Variants in SRSF11 observed in about 807,000 individuals in gnomAD.
SRSF11 encodes serine/arginine-rich splicing factor 11.
Under a neutral mutation model 56.0 loss-of-function variants are expected in SRSF11, and 9 were observed. The ratio of observed to expected loss-of-function variants is 0.16; its 90% CI spans 0.10 to 0.28. The LOEUF (loss-of-function observed/expected upper bound fraction) is 0.28. Ranked by LOEUF, SRSF11 falls within the 10% of genes least tolerant of loss-of-function variation. The pLI is 1.00. For synonymous variants in SRSF11, 222 were observed against 215.3 expected (o/e 1.03, Z -0.27); for missense variants, 421 against 600.7 (o/e 0.70, Z 3.13).
chr1:70,250,058 T>G lies in SRSF11; in HGVS notation c.1118+11T>G. 6.3e-7 allele frequency: 1 copy of G among 1,592,762 alleles called. No individual in the cohort carries two copies. Among genetic ancestry groups the G allele is most frequent in the South Asian group, 1.1e-5 (1 of 89,544 alleles). ...ACCATCCCCTAGGAGGTAAGAATGT[T>G]AATCATTTAAATGTATTTTTTATAT... On this transcript the variant is annotated intron_variant, in intron 10 of 11. Coordinates refer to ENST00000370949, the MANE Select transcript of SRSF11 (RefSeq NM_001350605.2).
chr1:70,231,778 A>G (rs1672891722), intron 2 of SRSF11: 8 of 1,296,490 alleles, frequency 6.2e-6, no homozygotes, highest in Admixed American at 4.9e-5. Context: ...AAAGAAAATC[A>G]TAGTAACTGT....
At chr1:70,229,665 T>C in intron 2 of SRSF11, 2 of 985,136 alleles carry the variant, frequency 2.0e-6, no homozygotes, top group East Asian at 1.1e-4. Context: ...AGTGGAATCT[T>C]AATATTGTTC....
chr1:70,240,885 G>A (rs1380804380), intron 7 of SRSF11, among the ~76,000 whole-genome samples: 1 of 148,902 alleles, frequency 6.7e-6, no homozygotes, highest in East Asian at 2.0e-4. Flanking sequence ...AAGCAATTCT[G>A]CCTCAGCCTC....
chr1:70,220,335 C>A (rs922886697), upstream of SRSF11, among the ~76,000 whole-genome samples: 1 of 151,892 alleles, frequency 6.6e-6, no homozygotes, highest in Non-Finnish European at 1.5e-5. Flanking sequence ...GTTTGGGGCA[C>A]TACAAGTCAC....
intron 7 of SRSF11, among the ~76,000 whole-genome samples, chr1:70,244,139 G>C (rs1014972796): frequency 1.3e-5 from 2 of 152,176 alleles, no homozygotes; most frequent in Non-Finnish European, 2.9e-5. Context: ...ATTTGTTTCA[G>C]AGAAAAATTC....
chr1:70,212,923 G>A (rs1184462068), intron 1 of SRSF11, among the ~76,000 whole-genome samples: 1 of 151,828 alleles, frequency 6.6e-6, no homozygotes, highest in Non-Finnish European at 1.5e-5. Context: ...GTGGCGGCGT[G>A]AGCCTATAGT....
At chr1:70,206,645 C>T (rs1475704649) in intron 1 of SRSF11, among the ~76,000 whole-genome samples, 1 of 152,046 alleles carries the variant, frequency 6.6e-6, no homozygotes, top group Non-Finnish European at 1.5e-5. Context: ...CAGGGAATAC[C>T]ATTCTAACCC....
rs1410805031 is a variant in SRSF11, at chr1:70,221,429, C to G, written c.-208C>G. 6.3e-5 allele frequency: 36 copies of G among 574,910 alleles called. No homozygotes were observed. Among genetic ancestry groups the G allele is most frequent in the Admixed American group, 1.4e-4 (4 of 29,272 alleles). The allele number at this position is 574,910 out of a possible 1,614,324, so 35.6% of individuals were successfully genotyped here. A position where few individuals can be genotyped will look rare whatever the true frequency, so the allele number is the denominator to read the frequency against. ...GGGCGGCCGTTTGTTTTCTCGTGGT[C>G]TCGAGCTCGCGCGCTCTCATCCCCT... On this transcript the variant is annotated 5_prime_UTR_variant, in exon 1 of 12. Coordinates refer to ENST00000370949, the MANE Select transcript of SRSF11 (RefSeq NM_001350605.2).
chr1:70,242,179 A>AG lies in SRSF11; in HGVS notation c.801-2505_801-2504insG, dbSNP rs1395357633. On this transcript the variant is annotated intron_variant, in intron 7 of 11. Coordinates refer to ENST00000370949, the MANE Select transcript of SRSF11 (RefSeq NM_001350605.2). Reference sequence around the variant, plus strand: ...AGACTCCGTCTTAAAAAAAAAAAAAAAAGGGAGAGCCTGTGTCTTTTTCTT... The same window carrying AG: ...AGACTCCGTCTTAAAAAAAAAAAAAAGAAGGGAGAGCCTGTGTCTTTTTCTT... Among the ~76,000 whole-genome samples, 3 of 152,116 alleles carry AG rather than the reference A, an allele frequency of 2.0e-5. No homozygotes were observed. In the East Asian group the frequency reaches 5.8e-4, roughly 29 times the overall value.
intron 2 of SRSF11, chr1:70,229,028 T>A (rs1672394060): frequency 1.0e-6 from 1 of 985,202 alleles, no homozygotes; most frequent in African/African-American, 1.7e-5. Flanking sequence ...AATTTCAGTA[T>A]ACCAAGGGTT....
At chr1:70,209,494 A>G (rs1411401189) in intron 1 of SRSF11, among the ~76,000 whole-genome samples, 1 of 152,200 alleles carries the variant, frequency 6.6e-6, no homozygotes, top group East Asian at 1.9e-4. Context: ...GTTTATTGAG[A>G]GAACATTTTA....
chr1:70,227,251 C>T (rs941109284), intron 1 of SRSF11, among the ~76,000 whole-genome samples: 1 of 152,100 alleles, frequency 6.6e-6, no homozygotes, highest in African/African-American at 2.4e-5. Context: ...TTTATGTACA[C>T]ATTGGTGTGT....
At chr1:70,210,821 T>C (rs1473973617) in intron 1 of SRSF11, among the ~76,000 whole-genome samples, 1 of 152,160 alleles carries the variant, frequency 6.6e-6, no homozygotes, top group Non-Finnish European at 1.5e-5. Flanking sequence ...ATGAGGGCTT[T>C]TTTTAAATGT....
rs1043883875 is a variant in SRSF11, at chr1:70,221,400, G to C, written c.-237G>C. 9 of 535,980 alleles carry C rather than the reference G, an allele frequency of 1.7e-5. No homozygotes were observed. Among genetic ancestry groups the C allele is most frequent in the African/African-American group, 1.2e-4 (6 of 50,450 alleles). The allele number at this position is 535,980 out of a possible 1,614,324, so 33.2% of individuals were successfully genotyped here. A position where few individuals can be genotyped will look rare whatever the true frequency, so the allele number is the denominator to read the frequency against. On this transcript the variant is annotated 5_prime_UTR_variant, in exon 1 of 12. Transcript: ENST00000370949. ...CCGCTAGTGTCGTGGTTGGAGGCGAGGTGGGGCGGCCGTTTGTTTTCTCGT... is the reference window on the plus strand; with the variant it reads ...CCGCTAGTGTCGTGGTTGGAGGCGACGTGGGGCGGCCGTTTGTTTTCTCGT...
chr1:70,249,161 G>A (rs1677422601), intron 9 of SRSF11: 1 of 151,992 alleles, frequency 6.6e-6, no homozygotes, highest in African/African-American at 2.4e-5. Context: ...ACTGCAGGAG[G>A]GCGATTTTGC....
At chr1:70,234,875 C>A in intron 4 of SRSF11, 87 bp downstream of exon 4, 1 of 1,080,944 alleles carries the variant, frequency 9.3e-7, no homozygotes, top group Non-Finnish European at 1.3e-6. Flanking sequence ...AGAGCAGAAG[C>A]TAATGGCTAT....
At chr1:70,211,738 A>G (rs927570755) in intron 1 of SRSF11, among the ~76,000 whole-genome samples, 1 of 152,068 alleles carries the variant, frequency 6.6e-6, no homozygotes, top group Non-Finnish European at 1.5e-5. Flanking sequence ...TTTTAAAGGT[A>G]TGCATCATCA....
intron 2 of SRSF11, chr1:70,229,896 G>C (rs938153971): frequency 2.0e-6 from 2 of 985,268 alleles, no homozygotes; most frequent in Non-Finnish European, 2.4e-6. Flanking sequence ...GTAATGTATA[G>C]ATAGATAAAT....
chr1:70,221,680 C>G lies in SRSF11; in HGVS notation c.44C>G (p.Pro15Arg). 6.2e-7 allele frequency: 1 copy of G among 1,613,046 alleles called. No individual in the cohort carries two copies. Among genetic ancestry groups the G allele is most frequent in the Non-Finnish European group, 8.5e-7 (1 of 1,179,324 alleles). Residue 15 changes from proline to arginine, a missense_variant, in exon 1 of 12, where the codon CCC becomes CGC. Transcript: ENST00000370949. Reference sequence around the variant, plus strand: ...GTCCCCAGCACTGCAGGTCCGGGCCCCAGCGGCGGGCCCGGTGGCGGAGGT... The same window carrying G: ...GTCCCCAGCACTGCAGGTCCGGGCCGCAGCGGCGGGCCCGGTGGCGGAGGT... Reference protein sequence around the residue: ...TVVPSTAGPGPSGGPGGGGGG... With the variant: ...TVVPSTAGPGRSGGPGGGGGG...
Sources: allele counts gnomAD v4.1 joint callset (sites outside exome capture counted in the v4.1 genomes callset), GRCh38; gene constraint gnomAD v4.1.1; transcripts MANE v1.5; gene names NCBI Gene and HGNC (gene_info 2026-07-23, HGNC 2026-07-21).